The following SPG7 variants were observed in gnomAD, a reference collection of about 807,000 sequenced individuals.
SPG7 encodes the protein mitochondrial inner membrane m-AAA protease component paraplegin.
In SPG7, 103 loss-of-function variants were observed where a neutral mutation model predicts 81.9. The observed-to-expected ratio is 1.26, with a 90% CI of 1.07 to 1.48. The LOEUF is 1.48. Ranked by LOEUF, SPG7 falls within the 40% of genes most tolerant of loss-of-function variation. The pLI is 0.00. For missense variants in SPG7, 1,241 were observed against 1,087.3 expected (o/e 1.14, Z -1.99); for synonymous variants, 534 against 444.2 (o/e 1.20, Z -2.54).
At chr16:89,533,623 T>C (rs2058375175) in intron 9 of SPG7, 1 of 151,976 alleles carries the variant, frequency 6.6e-6, no homozygotes, top group South Asian at 2.1e-4. Flanking sequence ...CTGGAGAGGG[T>C]GTGACGCTGG....
Position 89,553,089 on chromosome 16 carries a change from G to T in SPG7, c.1890G>T (p.Leu630=), listed in dbSNP as rs767213993. The T allele has an allele frequency of 6.2e-7, 1 of 1,613,296 alleles. No individual in the cohort carries two copies. Among genetic ancestry groups the T allele is most frequent in the African/African-American group, 1.3e-5 (1 of 74,902 alleles). ...TGTTTGAGCGGATGTGCATGGCCCTGGGAGGACGGGCCTCGGAAGCACTGT... is the reference window on the plus strand; with the variant it reads ...TGTTTGAGCGGATGTGCATGGCCCTTGGAGGACGGGCCTCGGAAGCACTGT... ...EQLFERMCMA[L]GGRASEALSF... is the part of the protein sequence containing the mutation. The change falls in exon 14 of 17, where the codon CTG becomes CTT. Residue 630 remains leucine, a synonymous_variant. Coordinates refer to ENST00000645818, the MANE Select transcript of SPG7 (RefSeq NM_003119.4).
chr16:89,547,828 G>A (rs1350155899), intron 11 of SPG7, 175 bp from the exon 12 acceptor site: 14 of 645,256 alleles, frequency 2.2e-5, no homozygotes, highest in Admixed American at 1.8e-4. Context: ...GGCCAGGCTG[G>A]TCTCAAACTC....
At chr16:89,544,321 G>A (rs2058536327) in intron 9 of SPG7, 1 of 376,422 alleles carries the variant, frequency 2.7e-6, no homozygotes, top group Admixed American at 3.7e-5. Flanking sequence ...AGGGCGGTGG[G>A]GGGTGGGGGG....
In SPG7 at chr16:89,555,079, C is replaced by CT. The variant is rs1167539478; in HGVS notation, c.2181+520dup. The CT allele has an allele frequency of 3.9e-3, 598 of 151,964 alleles. 5 individuals are homozygous for CT. Among genetic ancestry groups the CT allele is most frequent in the African/African-American group, 0.015 (572 of 38,452 alleles). 9.4% of individuals were successfully genotyped at this position (151,964 alleles called of 1,614,324 possible). On this transcript the variant is annotated intron_variant, in intron 16 of 16. Coordinates refer to ENST00000645818, the MANE Select transcript of SPG7 (RefSeq NM_003119.4). ...TGCAGGCATGCACCAACACACTCGG[C>CT]TTTTCTTTTTTTTTTTTTTTTGAGA...
chr16:89,536,899 C>G, intron 9 of SPG7: 1 of 1,614,176 alleles, frequency 6.2e-7, no homozygotes, highest in African/African-American at 1.3e-5. Context: ...CTGGGGTTGC[C>G]TTTTGCACTG....
intron 9 of SPG7, chr16:89,537,066 G>C: frequency 1.3e-6 from 2 of 1,573,394 alleles, no homozygotes; most frequent in Non-Finnish European, 1.7e-6. Context: ...GCCTCTTGTT[G>C]AGTGCCAGCT....
At chr16:89,552,875 T>C in intron 13 of SPG7, 104 bp from the exon 14 acceptor site, 1 of 1,147,474 alleles carries the variant, frequency 8.7e-7, no homozygotes, top group African/African-American at 1.5e-5. Flanking sequence ...TTTGCCTTCC[T>C]GCTTTGAGAC....
chr16:89,522,708 G>C (rs1164593982), intron 3 of SPG7: 1 of 152,896 alleles, frequency 6.5e-6, no homozygotes, highest in Non-Finnish European at 1.5e-5. Context: ...ACCTGCCTAG[G>C]GGGTTTGAGG....
intron 4 of SPG7, among the ~76,000 whole-genome samples, chr16:89,525,251 G>A (rs1038422444): frequency 6.6e-6 from 1 of 152,184 alleles, no homozygotes; most frequent in African/African-American, 2.4e-5. Flanking sequence ...ACAGGCGTCA[G>A]CCACCACGCC....
intron 5 of SPG7, 182 bp from the exon 6 acceptor site, chr16:89,529,295 A>G: frequency 1.6e-6 from 1 of 637,482 alleles, no homozygotes; most frequent in Non-Finnish European, 2.8e-6. Context: ...GAAAAAGCAC[A>G]GTCAGCGAGA....
intron 13 of SPG7, chr16:89,552,575 G>A: frequency 3.3e-6 from 1 of 302,878 alleles, no homozygotes; most frequent in South Asian, 2.9e-5. Context: ...CAGCAGAGGT[G>A]AGGACAGCCT....
At chr16:89,532,158 C>A in intron 8 of SPG7, 92 bp downstream of exon 8, 6 of 1,360,118 alleles carry the variant, frequency 4.4e-6, no homozygotes, top group Non-Finnish European at 6.2e-6. Context: ...CTGAAAGGGA[C>A]ACGGGTGGGT....
chr16:89,551,068 A>C (rs998489560), intron 13 of SPG7: 1 of 163,020 alleles, frequency 6.1e-6, no homozygotes, highest in Non-Finnish European at 1.3e-5. Context: ...CTCTACTTCA[A>C]ACAAACAAAC....
rs1172255349 is a variant in SPG7 at position 89,536,650 on chromosome 16, C to CAGGTGAGGT, written c.1324+4014_1324+4015insAGGTGAGGT. 201 of 1,256,292 alleles carry CAGGTGAGGT rather than the reference C, an allele frequency of 1.6e-4. No homozygotes were observed. In the African/African-American group the frequency reaches 2.9e-3, roughly 18 times the overall value. 77.8% of individuals were successfully genotyped at this position (1,256,292 alleles called of 1,614,324 possible). A position where few individuals can be genotyped will look rare whatever the true frequency, so the allele number is the denominator to read the frequency against. On this transcript the variant is annotated intron_variant, in intron 9 of 16. Transcript: ENST00000645818. ...GGGCGGGTGAGGCGGGCGAGGTGGGCGAGGCAGGCGAGGCGGGTGAGATCG... is the reference window on the plus strand; with the variant it reads ...GGGCGGGTGAGGCGGGCGAGGTGGGCAGGTGAGGTGAGGCAGGCGAGGCGGGTGAGATCG...
At chr16:89,548,331 A>C (rs1164788494) in intron 12 of SPG7, 4 of 525,872 alleles carry the variant, frequency 7.6e-6, no homozygotes, top group Non-Finnish European at 1.3e-5. Flanking sequence ...CTCGTCCAAC[A>C]GAAATAAAAA....
chr16:89,545,015 T>G (rs1326166644), intron 10 of SPG7: 1 of 567,342 alleles, frequency 1.8e-6, no homozygotes, highest in African/African-American at 1.9e-5. Flanking sequence ...GCCCAATGGC[T>G]GCACTCACTG....
Position 89,530,808 on chromosome 16 carries a change from G to A in SPG7, c.987G>A (p.Lys329=), listed in dbSNP as rs2152402804. Reference sequence around the variant, plus strand: ...TCCGCGAGTTTGTGGATTATCTGAAGGTGAAAGCAGCGTGGGCCGGGAGGG... The same window carrying A: ...TCCGCGAGTTTGTGGATTATCTGAAAGTGAAAGCAGCGTGGGCCGGGAGGG... ...LEVREFVDYL[K]SPERFLQLGA... The change falls in exon 7 of 17, where the codon AAG becomes AAA. Residue 329 remains lysine (K), a splice_region_variant and synonymous_variant. Coordinates refer to ENST00000645818, the MANE Select transcript of SPG7 (RefSeq NM_003119.4). 6.2e-7 allele frequency: 1 copy of A among 1,614,120 alleles called. No homozygotes were observed. The highest frequency in any genetic ancestry group is 2.2e-5 in the East Asian group (1 of 44,878).
intron 1 of SPG7, 87 bp downstream of exon 1, chr16:89,508,687 G>A: frequency 1.5e-6 from 2 of 1,300,214 alleles, no homozygotes; most frequent in Non-Finnish European, 2.1e-6. Flanking sequence ...GAGGCCGCCT[G>A]GCCCCTGCGG....
intron 9 of SPG7, chr16:89,536,712 C>T (rs1597642721): frequency 1.6e-5 from 25 of 1,606,570 alleles, no homozygotes; most frequent in East Asian, 4.5e-5. Flanking sequence ...GGCTGTGTGG[C>T]GTGGACACCA....
Sources: allele counts gnomAD v4.1 joint callset (sites outside exome capture counted in the v4.1 genomes callset), GRCh38; gene constraint gnomAD v4.1.1; transcripts MANE v1.5; gene names NCBI Gene and HGNC (gene_info 2026-07-23, HGNC 2026-07-21).